Variants in TRERF1 observed in about 807,000 individuals in gnomAD.
The protein encoded by TRERF1 is transcriptional-regulating factor 1.
In TRERF1, 27 loss-of-function variants were observed where a neutral mutation model predicts 122.9. The observed-to-expected ratio is 0.22, with a 90% CI of 0.16 to 0.30. TRERF1 has a LOEUF of 0.30. TRERF1 is among the 10% of genes least tolerant of loss of function. The pLI is 1.00. For synonymous variants in TRERF1, 636 were observed against 641.7 expected (o/e 0.99, Z 0.13); for missense variants, 1,248 against 1,560.3 (o/e 0.80, Z 3.37).
intron 2 of TRERF1, among the ~76,000 whole-genome samples, chr6:42,394,876 C>T (rs1352451530): frequency 2.0e-5 from 3 of 152,150 alleles, no homozygotes; most frequent in Non-Finnish European, 2.9e-5. Flanking sequence ...ACCCAACCTC[C>T]CCCCAACACA....
chr6:42,287,531 G>C (rs894915068), intron 4 of TRERF1, among the ~76,000 whole-genome samples: 25 of 152,076 alleles, frequency 1.6e-4, no homozygotes, highest in African/African-American at 5.8e-4. Context: ...GAGAATGGGG[G>C]CTACCGGCCT....
At chr6:42,432,592 A>G (rs1236358750) in intron 2 of TRERF1, among the ~76,000 whole-genome samples, 2 of 152,216 alleles carry the variant, frequency 1.3e-5, no homozygotes, top group Non-Finnish European at 2.9e-5. Flanking sequence ...CTGTAATCCC[A>G]GCACTCTGGG....
At chr6:42,371,291 A>G (rs2151036824) in intron 2 of TRERF1, among the ~76,000 whole-genome samples, 1 of 152,164 alleles carries the variant, frequency 6.6e-6, no homozygotes, top group East Asian at 1.9e-4. Context: ...CAAAATTCAC[A>G]AGGGCCAGCA....
chr6:42,288,372 C>A (rs1457575017), intron 4 of TRERF1, among the ~76,000 whole-genome samples: 3 of 151,926 alleles, frequency 2.0e-5, no homozygotes, highest in East Asian at 1.9e-4. Context: ...AGTTTGAGAC[C>A]AGCCTGGCCA....
intron 3 of TRERF1, among the ~76,000 whole-genome samples, chr6:42,352,862 T>G (rs182080645): frequency 6.6e-6 from 1 of 152,198 alleles, no homozygotes; most frequent in Non-Finnish European, 1.5e-5. Flanking sequence ...CTTTATCAGA[T>G]TTATACATTT....
intron 2 of TRERF1, among the ~76,000 whole-genome samples, chr6:42,427,157 T>A (rs1163121610): frequency 6.6e-6 from 1 of 151,932 alleles, no homozygotes; most frequent in Non-Finnish European, 1.5e-5. Context: ...CCTATCTCTA[T>A]AAAAAATACA....
intron 4 of TRERF1, among the ~76,000 whole-genome samples, chr6:42,281,802 G>T (rs948282936): frequency 1.3e-5 from 2 of 152,158 alleles, no homozygotes; most frequent in African/African-American, 4.8e-5. Flanking sequence ...GAACAGCAAC[G>T]ATGGCTAACG....
At chr6:42,426,416 G>T (rs922740618) in intron 2 of TRERF1, among the ~76,000 whole-genome samples, 2 of 152,172 alleles carry the variant, frequency 1.3e-5, no homozygotes, top group Non-Finnish European at 2.9e-5. Context: ...AATATAAATA[G>T]AAATGGGTGT....
intron 13 of TRERF1, among the ~76,000 whole-genome samples, chr6:42,253,815 C>T (rs1776250850): frequency 6.6e-6 from 1 of 152,222 alleles, no homozygotes; most frequent in African/African-American, 2.4e-5. Context: ...GAAGCCCTCA[C>T]TGGGCTGCCC....
chr6:42,411,817 G>C (rs1170407418), intron 2 of TRERF1, among the ~76,000 whole-genome samples: 2 of 152,086 alleles, frequency 1.3e-5, no homozygotes, highest in Non-Finnish European at 2.9e-5. Context: ...GAATGGGAGG[G>C]AGGCTGTGGA....
chr6:42,379,732 T>A (rs1278452527), intron 2 of TRERF1, among the ~76,000 whole-genome samples: 1 of 152,182 alleles, frequency 6.6e-6, no homozygotes, highest in Non-Finnish European at 1.5e-5. Context: ...AGTTTCGCCA[T>A]GTTGCCCATG....
intron 2 of TRERF1, among the ~76,000 whole-genome samples, chr6:42,431,370 T>C (rs1348932971): frequency 6.6e-6 from 1 of 151,846 alleles, no homozygotes; most frequent in Non-Finnish European, 1.5e-5. Flanking sequence ...AATGGAGATA[T>C]ATGTGGAAAA....
At chr6:42,376,611 C>T (rs769903648) in intron 2 of TRERF1, among the ~76,000 whole-genome samples, 8 of 139,348 alleles carry the variant, frequency 5.7e-5, no homozygotes, top group Middle Eastern at 4.3e-3. Flanking sequence ...GGCGTGATCT[C>T]AGCTCACTGC....
intron 2 of TRERF1, among the ~76,000 whole-genome samples, chr6:42,374,780 G>A (rs1350152902): frequency 6.6e-6 from 1 of 151,990 alleles, no homozygotes; most frequent in East Asian, 1.9e-4. Context: ...GGCTGACATG[G>A]GTGGATTGCC....
chr6:42,436,242 G>A (rs1785332833), intron 2 of TRERF1, among the ~76,000 whole-genome samples: 1 of 149,982 alleles, frequency 6.7e-6, no homozygotes, highest in African/African-American at 2.5e-5. Flanking sequence ...GGTGGCAGGT[G>A]CCTGTAATCC....
intron 2 of TRERF1, among the ~76,000 whole-genome samples, chr6:42,367,058 A>G (rs1189023959): frequency 6.6e-6 from 1 of 152,212 alleles, no homozygotes; most frequent in African/African-American, 2.4e-5. Context: ...CCTGCGATCA[A>G]ATCCTGACCT....
At position 42,342,800 on chromosome 6, in the gene TRERF1, C is replaced by CT. The variant is rs1438319691; in HGVS notation, c.-371+20196dup. Among the ~76,000 whole-genome samples the CT allele has an allele frequency of 2.0e-5, 3 of 152,290 alleles. No individual in the cohort carries two copies. The East Asian group carries it at 5.8e-4, about 29-fold the overall frequency. On this transcript the variant is annotated intron_variant, in intron 3 of 17. Coordinates refer to ENST00000372922, the Ensembl canonical transcript of TRERF1. ...ACTAACATGTCTCTCTCGTCAGTCT[C>CT]TTTTTTGGAAACCACATGGTGGCCC...
intron 2 of TRERF1, among the ~76,000 whole-genome samples, chr6:42,396,355 A>T (rs1240904114): frequency 6.6e-6 from 1 of 152,050 alleles, no homozygotes; most frequent in African/African-American, 2.4e-5. Context: ...ACCATGGCCA[A>T]CTCAAAGCCC....
Position 42,263,486 on chromosome 6 carries a change from G to A in TRERF1, c.1718C>T (p.Pro573Leu). Residue 573 changes from proline (P) to leucine (L), a missense_variant, in exon 8 of 18, where the codon CCT (proline) becomes CTT (leucine). By Grantham distance (98) the Pro-to-Leu change is moderately conservative. Around this residue, in one of 5 missense-constraint regions of TRERF1, gnomAD observed 946 missense variants for 1,073.0 expected, o/e 0.88. Coordinates refer to ENST00000372922, the Ensembl canonical transcript of TRERF1. The surrounding 1 kb of genome is among the most constrained non-coding windows in gnomAD (Gnocchi z 5.6). The stretch of plus-strand genomic sequence containing the variant: ...AGGCGTGAGGCTTTCTGCCTCGGGA[G>A]GGAGCTGTGGTGGCGGCGGAGGCGG... 1 of 1,586,068 alleles carries A rather than the reference G, an allele frequency of 6.3e-7. No homozygotes were observed. Among genetic ancestry groups the A allele is most frequent in the Non-Finnish European group, 8.6e-7 (1 of 1,163,326 alleles).
Sources: allele counts gnomAD v4.1 joint callset (sites outside exome capture counted in the v4.1 genomes callset), GRCh38; gene constraint gnomAD v4.1.1; regional missense constraint gnomAD v4.1.1; non-coding constraint Gnocchi (gnomAD v3.1); transcripts MANE v1.5; gene names NCBI Gene and HGNC (gene_info 2026-07-23, HGNC 2026-07-21).